Variants in SRRM4 observed in about 807,000 individuals in gnomAD.
The protein encoded by SRRM4 is serine/arginine repetitive matrix protein 4.
Under a neutral mutation model 68.9 loss-of-function variants are expected in SRRM4, and 33 were observed. The observed-to-expected ratio is 0.48, with a 90% confidence interval of 0.36 to 0.64. The LOEUF (loss-of-function observed/expected upper bound fraction) is 0.64, where lower values mean the gene tolerates loss of function less well. Ranked by LOEUF, SRRM4 falls within the 30% of genes least tolerant of loss-of-function variation. The pLI is 0.00. For synonymous variants in SRRM4, 318 were observed against 318.8 expected (o/e 1.00, Z 0.03); for missense variants, 817 against 827.1 (o/e 0.99, Z 0.15).
intron 1 of SRRM4, among the ~76,000 whole-genome samples, chr12:119,018,214 T>G (rs1953493453): frequency 6.6e-6 from 1 of 152,192 alleles, no homozygotes; most frequent in East Asian, 1.9e-4. Flanking sequence ...TAAGGCAATA[T>G]TTGCATTAGA....
chr12:118,987,014 T>C (rs1953286888), intron 1 of SRRM4, among the ~76,000 whole-genome samples: 1 of 152,214 alleles, frequency 6.6e-6, no homozygotes, highest in Admixed American at 6.5e-5. Flanking sequence ...AATTGCTTGT[T>C]CCTAAGACTT....
intron 2 of SRRM4, among the ~76,000 whole-genome samples, chr12:119,110,944 A>T (rs1308982527): frequency 6.6e-6 from 1 of 152,136 alleles, no homozygotes; most frequent in Non-Finnish European, 1.5e-5. Flanking sequence ...CTATTCGGCC[A>T]CCTTGGAACC....
At chr12:119,024,339 G>GT (rs776828015) in intron 1 of SRRM4, among the ~76,000 whole-genome samples, 5 of 152,176 alleles carry the variant, frequency 3.3e-5, no homozygotes, top group Non-Finnish European at 7.3e-5. Flanking sequence ...ACCTTGCAGC[G>GT]TATCTCTGTG....
chr12:119,026,905 G>A (rs923847356), intron 1 of SRRM4, among the ~76,000 whole-genome samples: 1 of 152,090 alleles, frequency 6.6e-6, no homozygotes, highest in African/African-American at 2.4e-5. Flanking sequence ...ACAACACCTC[G>A]GGTGATCAGT....
chr12:119,016,577 G>A (rs1183997850), intron 1 of SRRM4, among the ~76,000 whole-genome samples: 1 of 152,060 alleles, frequency 6.6e-6, no homozygotes, highest in Non-Finnish European at 1.5e-5. Context: ...TGTCTACCAG[G>A]AGACTCAAAT....
chr12:119,007,533 C>T (rs1264398769), intron 1 of SRRM4, among the ~76,000 whole-genome samples: 1 of 152,078 alleles, frequency 6.6e-6, no homozygotes, highest in Non-Finnish European at 1.5e-5. Flanking sequence ...ATGTAAATTT[C>T]CATCCATCTC....
intron 1 of SRRM4, among the ~76,000 whole-genome samples, chr12:119,083,975 A>G (rs1039153935): frequency 6.6e-6 from 1 of 152,256 alleles, no homozygotes; most frequent in African/African-American, 2.4e-5. Context: ...CCTGCAAAGC[A>G]TCACTGAGCT....
Position 119,130,631 on chromosome 12 carries a change from CA to C in SRRM4, c.615-46del, listed in dbSNP as rs748666424. 80 of 1,576,212 alleles carry C rather than the reference CA, an allele frequency of 5.1e-5. No individual in the cohort carries two copies. The East Asian group carries it at 1.7e-3, about 33-fold the overall frequency. ...GTTGGTCCTGCATACATCTCCCTACCATGCTCCCCTTCAAAAGACCCTCAGG... is the reference window on the plus strand; with the variant it reads ...GTTGGTCCTGCATACATCTCCCTACCTGCTCCCCTTCAAAAGACCCTCAGG... On this transcript the variant is annotated intron_variant, in intron 7 of 12. Transcript: ENST00000267260.
chr12:119,094,637 G>T (rs1954032311), intron 1 of SRRM4, among the ~76,000 whole-genome samples: 1 of 152,120 alleles, frequency 6.6e-6, no homozygotes. Context: ...CCACTTTCCT[G>T]ACCAATTTCT....
chr12:119,138,333 G>A (rs1227048680), intron 8 of SRRM4, among the ~76,000 whole-genome samples: 1 of 152,176 alleles, frequency 6.6e-6, no homozygotes, highest in Non-Finnish European at 1.5e-5. Flanking sequence ...GTTTTCCAGT[G>A]TTGACCTGGG....
At chr12:119,139,451 A>G (rs529072990) in intron 8 of SRRM4, among the ~76,000 whole-genome samples, 1 of 152,308 alleles carries the variant, frequency 6.6e-6, no homozygotes, top group Non-Finnish European at 1.5e-5. Flanking sequence ...AACTATCTGA[A>G]TATCTCTGAT....
chr12:119,016,814 G>T (rs1953484805), intron 1 of SRRM4, among the ~76,000 whole-genome samples: 1 of 152,220 alleles, frequency 6.6e-6, no homozygotes, highest in African/African-American at 2.4e-5. Flanking sequence ...GCTTGGGAAT[G>T]ACAGGGTAGC....
chr12:119,154,914 G>T lies in SRRM4; in HGVS notation c.1532+531G>T, dbSNP rs1374149790. ...ATTGCTTAGTTCCCAAAGGGACCTA[G>T]AGGGAGCCACGGTGGATAAGCCGGA... is the stretch of plus-strand genomic sequence containing the variant. On this transcript the variant is annotated intron_variant, in intron 12 of 12. Coordinates refer to ENST00000267260, the MANE Select transcript of SRRM4 (RefSeq NM_194286.4). The surrounding 1 kb of genome is among the most constrained non-coding windows in gnomAD (Gnocchi z 4.7). 6.6e-6 allele frequency among the ~76,000 whole-genome samples: 1 copy of T among 152,218 alleles called. No individual in the cohort carries two copies. Among genetic ancestry groups the T allele is most frequent in the African/African-American group, 2.4e-5 (1 of 41,450 alleles).
chr12:119,074,432 C>A (rs1429399639), intron 1 of SRRM4, among the ~76,000 whole-genome samples: 1 of 152,086 alleles, frequency 6.6e-6, no homozygotes, highest in Non-Finnish European at 1.5e-5. Flanking sequence ...GATTATTGCC[C>A]AACTTAATAA....
At chr12:119,022,966 C>T (rs1468965439) in intron 1 of SRRM4, among the ~76,000 whole-genome samples, 2 of 152,192 alleles carry the variant, frequency 1.3e-5, no homozygotes, top group African/African-American at 2.4e-5. Flanking sequence ...ATGAGCAGAG[C>T]ATCTCTTTTT....
rs148892260 is a variant in SRRM4 at position 119,070,389 on chromosome 12, G to A, written c.132-31847G>A. Reference sequence around the variant, plus strand: ...ACAGCCCTCTAAGTTATAGATCCCCGGATTTTAGAGTAGGGGCATCTTAGA... The same window carrying A: ...ACAGCCCTCTAAGTTATAGATCCCCAGATTTTAGAGTAGGGGCATCTTAGA... On this transcript the variant is annotated intron_variant, in intron 1 of 12. Transcript: ENST00000267260. 3.1e-3 allele frequency among the ~76,000 whole-genome samples: 476 copies of A among 152,152 alleles called. 1 individual carries two copies. Among genetic ancestry groups the A allele is most frequent in the African/African-American group, 0.011 (453 of 41,516 alleles).
At chr12:118,989,088 G>C (rs1395001054) in intron 1 of SRRM4, among the ~76,000 whole-genome samples, 1 of 152,030 alleles carries the variant, frequency 6.6e-6, no homozygotes, top group Non-Finnish European at 1.5e-5. Context: ...GATCAAGTGG[G>C]GCCTTGTAAG....
chr12:119,118,028 T>C (rs1954192588), intron 4 of SRRM4, among the ~76,000 whole-genome samples: 1 of 152,206 alleles, frequency 6.6e-6, no homozygotes, highest in Non-Finnish European at 1.5e-5. Flanking sequence ...AAATACAGTT[T>C]TCTAGTTCCT....
intron 1 of SRRM4, among the ~76,000 whole-genome samples, chr12:119,002,241 T>C (rs930288076): frequency 6.6e-6 from 1 of 152,208 alleles, no homozygotes; most frequent in East Asian, 1.9e-4. Context: ...AAAAAATTTT[T>C]TTTCAAGTTT....
Sources: gnomAD v4.1 joint callset for allele counts (sites outside exome capture counted in the v4.1 genomes callset) on GRCh38, gnomAD v4.1.1 for gene constraint, Gnocchi (gnomAD v3.1) non-coding constraint, MANE v1.5 for transcripts, NCBI Gene and HGNC (gene_info 2026-07-23, HGNC 2026-07-21) for gene names.